The following MYO5B variants were observed in gnomAD, a reference collection of about 807,000 sequenced individuals.
MYO5B encodes myosin VB.
A neutral mutation model predicts 229.3 loss-of-function variants in MYO5B; 143 were observed. The observed-to-expected ratio is 0.62, with a 90% CI of 0.54 to 0.72. The LOEUF is 0.72. Among genes scored for constraint, MYO5B ranks in the 30% least tolerant of loss-of-function variants. The pLI is 0.00. For synonymous variants in MYO5B, 918 were observed against 885.2 expected, an observed-to-expected ratio of 1.04 and a Z score of -0.66; for missense variants, 2,321 against 2,331.0, an observed-to-expected ratio of 1.00 and a Z score of 0.09.
rs2032895975 is a variant in MYO5B, at chr18:50,169,383, A to G, written c.27+25384T>C. ...AAGTCCCTCCTGAGGACCAGGTAAC[A>G]TGACAGGTAGAGAAACCTGGCATAC... On this transcript the variant is annotated intron_variant, in intron 1 of 39. Coordinates refer to ENST00000285039, the MANE Select transcript of MYO5B (RefSeq NM_001080467.3). 1.6e-5 allele frequency among the ~76,000 whole-genome samples: 2 copies of G among 127,870 alleles called. 1 individual carries two copies. Among genetic ancestry groups the G allele is most frequent in the Non-Finnish European group, 3.3e-5 (2 of 59,848 alleles). The allele number at this position is 127,870 out of a possible 152,430, so 83.9% of individuals were successfully genotyped here.
At chr18:49,955,508 A>C (rs2025483010) in intron 12 of MYO5B, among the ~76,000 whole-genome samples, 2 of 152,188 alleles carry the variant, frequency 1.3e-5, no homozygotes, top group Non-Finnish European at 2.9e-5. Flanking sequence ...GTTGATGGTG[A>C]CCCTTGCACT....
chr18:50,089,854 C>A (rs1361904049), intron 1 of MYO5B, among the ~76,000 whole-genome samples: 2 of 152,164 alleles, frequency 1.3e-5, no homozygotes, highest in Non-Finnish European at 2.9e-5. Context: ...GCCACCCCCG[C>A]ATAACCCCAC....
At chr18:49,891,811 A>C (rs1283149135) in intron 22 of MYO5B, among the ~76,000 whole-genome samples, 1 of 152,226 alleles carries the variant, frequency 6.6e-6, no homozygotes, top group Admixed American at 6.5e-5. Context: ...GAACTACCCA[A>C]GGCAATCAAC....
intron 1 of MYO5B, among the ~76,000 whole-genome samples, chr18:50,171,706 T>C (rs2032922066): frequency 7.8e-6 from 1 of 128,352 alleles, no homozygotes; most frequent in Non-Finnish European, 1.7e-5. Flanking sequence ...CCAAGTCACA[T>C]GGCTGCATAG....
In MYO5B at chr18:49,912,169, C is replaced by T; in HGVS notation, c.2095G>A (p.Ala699Thr). 6.2e-7 allele frequency: 1 copy of T among 1,613,616 alleles called. No individual in the cohort carries two copies. The highest frequency in any genetic ancestry group is 1.3e-5 in the African/African-American group (1 of 75,000). ...TACCGGTTGAAAAAGTCATGGTAGG[C>T]CCACCTGGAGGGAAAGCAAAGGGGC... The part of the protein sequence containing the change: ...ISAAGYPSRW[A>T]YHDFFNRYRV... The change falls in exon 18 of 40, where the codon GCC becomes ACC. Residue 699 changes from alanine to threonine, a missense_variant. Around this residue, in one of 2 missense-constraint regions of MYO5B, gnomAD observed 2,113 missense variants for 2,044.7 expected, o/e 1.03. Coordinates refer to ENST00000285039, the MANE Select transcript of MYO5B (RefSeq NM_001080467.3).
intron 4 of MYO5B, among the ~76,000 whole-genome samples, chr18:50,007,843 T>C (rs897429766): frequency 1.3e-5 from 2 of 152,244 alleles, no homozygotes; most frequent in East Asian, 1.9e-4. Flanking sequence ...TCTTAGTATA[T>C]AGACTTTGCT....
intron 33 of MYO5B, among the ~76,000 whole-genome samples, chr18:49,844,262 T>C (rs1241315163): frequency 1.3e-5 from 2 of 152,156 alleles, no homozygotes; most frequent in African/African-American, 2.4e-5. Context: ...CAGGTGGTGG[T>C]AGAAGGCCAG....
Position 50,155,377 on chromosome 18 carries a change from T to G in MYO5B, c.27+39390A>C, listed in dbSNP as rs117807565. 5.6e-3 allele frequency among the ~76,000 whole-genome samples: 848 copies of G among 152,272 alleles called. 4 individuals carry two copies. Among genetic ancestry groups the G allele is most frequent in the Non-Finnish European group, 9.7e-3 (657 of 68,044 alleles). ...TTAAAATATGACCCATATTAGAATA[T>G]GATTTAAAAGAACTACAAATGGTAT... On this transcript the variant is annotated intron_variant, in intron 1 of 39. Coordinates refer to ENST00000285039, the MANE Select transcript of MYO5B (RefSeq NM_001080467.3).
chr18:49,920,215 TAGAC>T (rs1212356610), intron 17 of MYO5B, among the ~76,000 whole-genome samples: 1 of 152,170 alleles, frequency 6.6e-6, no homozygotes, highest in Non-Finnish European at 1.5e-5. Flanking sequence ...ATTCTGAAAT[TAGAC>T]AGTGGTGATG....
intron 35 of MYO5B, chr18:49,839,721 G>A (rs1349928488): frequency 8.3e-6 from 2 of 241,352 alleles, no homozygotes; most frequent in African/African-American, 2.2e-5. Context: ...CTTGTATGAG[G>A]AGAAATTTTA....
At chr18:49,891,572 GACA>G (rs2024715310) in intron 22 of MYO5B, among the ~76,000 whole-genome samples, 1 of 152,182 alleles carries the variant, frequency 6.6e-6, no homozygotes, top group African/African-American at 2.4e-5. Context: ...TCTGCAGCAA[GACA>G]ACGTCCTTCC....
intron 1 of MYO5B, among the ~76,000 whole-genome samples, chr18:50,058,121 A>C (rs773459429): frequency 5.9e-5 from 9 of 152,224 alleles, no homozygotes; most frequent in Non-Finnish European, 1.2e-4. Context: ...GAACACAGCC[A>C]TATTCATTCA....
At chr18:50,107,182 C>T (rs950434949) in intron 1 of MYO5B, among the ~76,000 whole-genome samples, 5 of 134,882 alleles carry the variant, frequency 3.7e-5, no homozygotes, top group Admixed American at 8.5e-5. Context: ...TAGAGTGGCA[C>T]GATCTCAGCT....
At chr18:50,116,518 T>A (rs985885418) in intron 1 of MYO5B, among the ~76,000 whole-genome samples, 3 of 151,830 alleles carry the variant, frequency 2.0e-5, no homozygotes, top group Non-Finnish European at 4.4e-5. Context: ...CAGCTTCAGA[T>A]TTAAATCCAA....
intron 10 of MYO5B, among the ~76,000 whole-genome samples, chr18:49,966,781 A>C (rs1299442277): frequency 6.6e-6 from 1 of 152,258 alleles, no homozygotes; most frequent in Non-Finnish European, 1.5e-5. Flanking sequence ...TTATCTGGTA[A>C]CAATTCCTGT....
rs4042092 is a variant in MYO5B at position 50,068,044 on chromosome 18, T to TACACAC, written c.28-12672_28-12667dup. On this transcript the variant is annotated intron_variant, in intron 1 of 39. Transcript: ENST00000285039. Reference sequence around the variant, plus strand: ...ACATACATATATATATACACACATATACACACACACACACACACAACACTT... The same window carrying TACACAC: ...ACATACATATATATATACACACATATACACACACACACACACACACACACAACACTT... 2.4e-3 allele frequency among the ~76,000 whole-genome samples: 350 copies of TACACAC among 147,984 alleles called. 6 individuals are homozygous for TACACAC. Among genetic ancestry groups the TACACAC allele is most frequent in the Admixed American group, 0.02 (305 of 15,010 alleles).
At chr18:50,066,597 AATACC>A (rs1384431451) in intron 1 of MYO5B, among the ~76,000 whole-genome samples, 24 of 152,218 alleles carry the variant, frequency 1.6e-4, no homozygotes, top group Admixed American at 4.6e-4. Context: ...ACGGCACAAT[AATACC>A]ATCTAAAATT....
intron 17 of MYO5B, among the ~76,000 whole-genome samples, chr18:49,913,058 AT>A (rs541956990): frequency 1.2e-3 from 177 of 152,284 alleles, no homozygotes; most frequent in African/African-American, 4.1e-3. Flanking sequence ...TTTGCTTATG[AT>A]TTTTTTCTTC....
intron 17 of MYO5B, among the ~76,000 whole-genome samples, chr18:49,923,458 C>T (rs1440960753): frequency 2.0e-5 from 3 of 152,106 alleles, no homozygotes; most frequent in African/African-American, 7.2e-5. Context: ...CATGTGAGCC[C>T]CTAGAAGCAA....
Sources: gnomAD v4.1 joint callset for allele counts (sites outside exome capture counted in the v4.1 genomes callset) on GRCh38, gnomAD v4.1.1 for gene constraint, gnomAD v4.1.1 regional missense constraint, MANE v1.5 for transcripts, NCBI Gene and HGNC (gene_info 2026-07-23, HGNC 2026-07-21) for gene names.